The following MSRA variants were observed in gnomAD, a reference collection of about 807,000 sequenced individuals.
MSRA encodes mitochondrial peptide methionine sulfoxide reductase.
In MSRA, 54 loss-of-function variants were observed where a neutral mutation model predicts 31.3. That is an observed-to-expected ratio of 1.73 (90% CI 1.39 to 2.17). The LOEUF is 2.17. Ranked by LOEUF, MSRA falls within the 30% of genes most tolerant of loss-of-function variation. The pLI, the probability that MSRA is intolerant of heterozygous loss-of-function variation, is 0.00. For missense variants in MSRA, 507 were observed against 300.9 expected (o/e 1.69, Z -5.07); for synonymous variants, 169 against 116.5 (o/e 1.45, Z -2.90).
intron 5 of MSRA, among the ~76,000 whole-genome samples, chr8:10,346,688 C>T (rs543423411): frequency 2.9e-4 from 44 of 152,134 alleles, no homozygotes; most frequent in Non-Finnish European, 5.4e-4. Context: ...TAACAAGATG[C>T]GGGGAATCTT....
intron 1 of MSRA, among the ~76,000 whole-genome samples, chr8:10,075,932 C>A (rs1036841320): frequency 1.2e-4 from 18 of 152,214 alleles, no homozygotes; most frequent in Non-Finnish European, 2.4e-4. Flanking sequence ...TATTACCTCT[C>A]TCCACAGGAC....
At chr8:10,155,431 A>C (rs1461402501) in intron 1 of MSRA, among the ~76,000 whole-genome samples, 1 of 152,164 alleles carries the variant, frequency 6.6e-6, no homozygotes, top group Non-Finnish European at 1.5e-5. Context: ...AAGAGCCTAG[A>C]AGCTGTGCCA....
At chr8:10,153,392 G>C (rs1249519507) in intron 1 of MSRA, among the ~76,000 whole-genome samples, 1 of 151,996 alleles carries the variant, frequency 6.6e-6, no homozygotes, top group African/African-American at 2.4e-5. Context: ...CGTGCCTGCT[G>C]TATACTTTCT....
rs774034241 is a variant in MSRA, at chr8:10,339,531, CTTTTTTTTT to C, written c.543+19560_543+19568del. 5.1e-3 allele frequency among the ~76,000 whole-genome samples: 372 copies of C among 72,812 alleles called. 2 individuals are homozygous for C. Among genetic ancestry groups the C allele is most frequent in the South Asian group, 0.012 (28 of 2,406 alleles). 47.8% of individuals were successfully genotyped at this position (72,812 alleles called of 152,430 possible). A position where few individuals can be genotyped will look rare whatever the true frequency, so the allele number is the denominator to read the frequency against. ...GTTAAGCAAGGGGTTTTCTTTCTTTCTTTTTTTTTTTTTTTTTTTTTTTTTTCTGAGACG... is the reference window on the plus strand; with the variant it reads ...GTTAAGCAAGGGGTTTTCTTTCTTTCTTTTTTTTTTTTTTTTTCTGAGACG... On this transcript the variant is annotated intron_variant, in intron 5 of 5. Transcript: ENST00000317173.
intron 1 of MSRA, among the ~76,000 whole-genome samples, chr8:10,183,538 G>A (rs780929839): frequency 1.2e-4 from 19 of 152,134 alleles, no homozygotes; most frequent in Non-Finnish European, 2.6e-4. Context: ...TGAAGAAGTG[G>A]CGGTCAAGGC....
intron 2 of MSRA, among the ~76,000 whole-genome samples, chr8:10,215,743 A>G (rs1809932354): frequency 1.3e-5 from 2 of 152,188 alleles, no homozygotes; most frequent in Non-Finnish European, 2.9e-5. Context: ...CTCAGAAAAT[A>G]CTATATTTCT....
chr8:10,090,011 A>T (rs1229363053), intron 1 of MSRA, among the ~76,000 whole-genome samples: 1 of 152,194 alleles, frequency 6.6e-6, no homozygotes, highest in Non-Finnish European at 1.5e-5. Context: ...GGGACAAGCA[A>T]ACCACATCCA....
chr8:10,143,578 C>G (rs1013039857), intron 1 of MSRA, among the ~76,000 whole-genome samples: 4 of 152,114 alleles, frequency 2.6e-5, no homozygotes, highest in African/African-American at 7.2e-5. Flanking sequence ...AGACATAAAA[C>G]CCCGGGTCGC....
chr8:10,236,081 C>G (rs371504949), intron 2 of MSRA, among the ~76,000 whole-genome samples: 1 of 152,108 alleles, frequency 6.6e-6, no homozygotes, highest in East Asian at 1.9e-4. Context: ...AGAACTCATG[C>G]ATGATAAAAA....
At chr8:10,210,955 C>T (rs1024380764) in intron 2 of MSRA, among the ~76,000 whole-genome samples, 14 of 151,568 alleles carry the variant, frequency 9.2e-5, no homozygotes, top group South Asian at 4.2e-4. Flanking sequence ...AGGCTGGTCT[C>T]GAACTCCTAA....
intron 5 of MSRA, among the ~76,000 whole-genome samples, chr8:10,359,380 G>C (rs2129164008): frequency 6.6e-6 from 1 of 152,010 alleles, no homozygotes; most frequent in East Asian, 1.9e-4. Context: ...GTTCCTTCTA[G>C]TTTAGTTTTC....
chr8:10,196,554 T>C (rs562727951), intron 1 of MSRA, among the ~76,000 whole-genome samples: 50 of 152,220 alleles, frequency 3.3e-4, no homozygotes, highest in African/African-American at 1.1e-3. Flanking sequence ...TGTATTTATT[T>C]ATTTTTATTT....
intron 1 of MSRA, among the ~76,000 whole-genome samples, chr8:10,104,565 T>G (rs1385999772): frequency 1.3e-5 from 2 of 152,122 alleles, no homozygotes; most frequent in Admixed American, 1.3e-4. Flanking sequence ...TTATCCTCAA[T>G]AAGAAGGAAT....
chr8:10,418,006 G>A (rs540908738), intron 5 of MSRA, among the ~76,000 whole-genome samples: 2 of 152,212 alleles, frequency 1.3e-5, no homozygotes, highest in Admixed American at 6.5e-5. Flanking sequence ...CTGGCTCCCG[G>A]ACAGCAGCTT....
chr8:10,274,531 G>C (rs1269203821), intron 3 of MSRA, among the ~76,000 whole-genome samples: 1 of 152,164 alleles, frequency 6.6e-6, no homozygotes, highest in African/African-American at 2.4e-5. Context: ...TGATTCCCAA[G>C]GTCCATTCCA....
chr8:10,232,106 G>T (rs918236999), intron 2 of MSRA, among the ~76,000 whole-genome samples: 3 of 152,136 alleles, frequency 2.0e-5, no homozygotes, highest in African/African-American at 7.2e-5. Flanking sequence ...GGATCCCAGG[G>T]GTGGAGGCTG....
rs555816331 is a variant in MSRA at position 10,226,785 on chromosome 8, A to G, written c.212-18319A>G. 6.6e-5 allele frequency among the ~76,000 whole-genome samples: 10 copies of G among 152,222 alleles called. No homozygotes were observed. In the South Asian group the frequency reaches 1.2e-3, roughly 19 times the overall value. ...CTTTGCCCCAGGCCAGCTGGTGTGC[A>G]TATTTGTCAGGTCCTGTTAGAGCTC... On this transcript the variant is annotated intron_variant, in intron 2 of 5. Transcript: ENST00000317173.
At chr8:10,154,229 G>A (rs575203179) in intron 1 of MSRA, among the ~76,000 whole-genome samples, 1 of 152,238 alleles carries the variant, frequency 6.6e-6, no homozygotes, top group Non-Finnish European at 1.5e-5. Flanking sequence ...TGAAAACCTT[G>A]CGGAAGAGTA....
chr8:10,384,937 G>A (rs767358957), intron 5 of MSRA, among the ~76,000 whole-genome samples: 18 of 152,134 alleles, frequency 1.2e-4, no homozygotes, highest in African/African-American at 4.1e-4. Context: ...AGGAGGTTGA[G>A]GCTACAGTAA....
Sources: gnomAD v4.1 joint callset for allele counts (sites outside exome capture counted in the v4.1 genomes callset) on GRCh38, gnomAD v4.1.1 for gene constraint, MANE v1.5 for transcripts, NCBI Gene and HGNC (gene_info 2026-07-23, HGNC 2026-07-21) for gene names.